Variants in EPB41L5 observed in about 807,000 individuals in gnomAD.
The protein encoded by EPB41L5 is band 4.1-like protein 5.
EPB41L5 carries 55 observed loss-of-function variants against 106.6 expected under a neutral mutation model. The ratio of observed to expected loss-of-function variants is 0.52; its 90% CI spans 0.42 to 0.65. EPB41L5 has a LOEUF of 0.65. EPB41L5 is among the 30% of genes least tolerant of loss of function. The pLI is 0.00. For missense variants in EPB41L5, 871 were observed against 882.1 expected (o/e 0.99, Z 0.16); for synonymous variants, 297 against 306.7 (o/e 0.97, Z 0.33).
intron 14 of EPB41L5, among the ~76,000 whole-genome samples, chr2:120,097,226 A>T (rs1683816418): frequency 6.6e-6 from 1 of 152,172 alleles, no homozygotes; most frequent in South Asian, 2.1e-4. Context: ...TAGAAATGAG[A>T]TGTAGTGGGG....
chr2:120,051,784 A>G (rs998934915), intron 3 of EPB41L5, among the ~76,000 whole-genome samples: 3 of 152,080 alleles, frequency 2.0e-5, no homozygotes, highest in Non-Finnish European at 4.4e-5. Context: ...TGGGTGATGT[A>G]GACTGGAGCT....
rs1684087727 is a variant in EPB41L5 at position 120,100,690 on chromosome 2, TG to T, written c.1222-8del. 6.2e-7 allele frequency: 1 copy of T among 1,605,398 alleles called. No individual in the cohort carries two copies. The highest frequency in any genetic ancestry group is 1.3e-5 in the African/African-American group (1 of 74,690). The stretch of plus-strand genomic sequence containing the variant: ...CAAAATAGATAATTTTTATAATTTT[TG>T]TCCAAAGGCTTGGGGGATGAGATCT... On this transcript the variant is annotated splice_region_variant and splice_polypyrimidine_tract_variant and intron_variant, in intron 15 of 24. Coordinates refer to ENST00000263713, the MANE Select transcript of EPB41L5 (RefSeq NM_020909.4).
intron 1 of EPB41L5, among the ~76,000 whole-genome samples, chr2:120,014,050 C>G (rs962423788): frequency 1.3e-5 from 2 of 152,192 alleles, no homozygotes; most frequent in African/African-American, 4.8e-5. Context: ...AAACGATATG[C>G]GTAACTGCTG....
At chr2:120,023,990 G>C (rs1176216986) in intron 2 of EPB41L5, among the ~76,000 whole-genome samples, 1 of 152,160 alleles carries the variant, frequency 6.6e-6, no homozygotes. Context: ...TCTATTATTT[G>C]TGTATAGGAA....
In EPB41L5 at chr2:120,075,701, A is replaced by G. The variant is rs756695018; in HGVS notation, c.453A>G (p.Lys151=). The G allele has an allele frequency of 1.2e-6, 2 of 1,613,436 alleles. No individual in the cohort carries two copies. The highest frequency in any genetic ancestry group is 1.7e-5 in the Admixed American group (1 of 60,002). ...TAACAAACTTGTGTTTTGGTCTCAG[A>G]TTAGACTGTCCCTTTGATACAGCAG... The part of the protein sequence containing the change: ...LQLKQDILSG[K]LDCPFDTAVQ... Residue 151 remains lysine (K), a splice_region_variant and synonymous_variant, in exon 7 of 25, where the codon AAA becomes AAG. Transcript: ENST00000263713.
chr2:120,081,169 A>T (rs904248718), intron 10 of EPB41L5, among the ~76,000 whole-genome samples: 2 of 152,168 alleles, frequency 1.3e-5, no homozygotes, highest in Non-Finnish European at 2.9e-5. Flanking sequence ...TGTTTTAGAC[A>T]TGAAGTCTTT....
intron 1 of EPB41L5, among the ~76,000 whole-genome samples, chr2:120,018,074 G>T (rs1474579287): frequency 6.6e-6 from 1 of 151,086 alleles, no homozygotes; most frequent in African/African-American, 2.4e-5. Context: ...CCATTCTCCT[G>T]CCTCAGCCTC....
chr2:120,163,565 T>G (rs1687235576), intron 21 of EPB41L5, among the ~76,000 whole-genome samples: 1 of 150,772 alleles, frequency 6.6e-6, no homozygotes, highest in Non-Finnish European at 1.5e-5. Flanking sequence ...CTTTATCCAG[T>G]ATCTCCTGTG....
intron 2 of EPB41L5, among the ~76,000 whole-genome samples, chr2:120,040,077 A>G (rs185755527): frequency 1.6e-3 from 231 of 147,258 alleles, no homozygotes; most frequent in African/African-American, 5.6e-3. Flanking sequence ...CTTTTTATAT[A>G]TATATATATA....
Position 120,029,032 on chromosome 2 carries a change from C to T in EPB41L5, c.180+9768C>T, listed in dbSNP as rs181971246. Among the ~76,000 whole-genome samples, 10 of 152,162 alleles carry T rather than the reference C, an allele frequency of 6.6e-5. No homozygotes were observed. The East Asian group carries it at 1.2e-3, about 18-fold the overall frequency. ...TTTGTGGAAGTGCCTGAAGGGAAAACGCAGGATTGCTATGAGATTTGGCAA... is the reference window on the plus strand; with the variant it reads ...TTTGTGGAAGTGCCTGAAGGGAAAATGCAGGATTGCTATGAGATTTGGCAA... On this transcript the variant is annotated intron_variant, in intron 2 of 24. Transcript: ENST00000263713.
At chr2:120,038,562 G>A (rs1472567644) in intron 2 of EPB41L5, among the ~76,000 whole-genome samples, 1 of 152,138 alleles carries the variant, frequency 6.6e-6, no homozygotes, top group Non-Finnish European at 1.5e-5. Flanking sequence ...TTCAAGACCA[G>A]CCTGGCCAAC....
intron 2 of EPB41L5, among the ~76,000 whole-genome samples, chr2:120,021,728 G>A (rs1371593600): frequency 6.6e-6 from 1 of 152,156 alleles, no homozygotes; most frequent in Non-Finnish European, 1.5e-5. Flanking sequence ...ATATAAAGTG[G>A]TCATTGGCCT....
At chr2:120,013,804 T>C (rs907960399) in intron 1 of EPB41L5, 4 of 152,224 alleles carry the variant, frequency 2.6e-5, no homozygotes, top group Non-Finnish European at 5.9e-5. Flanking sequence ...ACTCGAATTC[T>C]ACCTAAGAGC....
At chr2:120,065,515 C>CT (rs11373500) in intron 3 of EPB41L5, among the ~76,000 whole-genome samples, 123,247 of 139,924 alleles carry the variant, frequency 0.88, 54,799 homozygotes, top group East Asian at 0.98. Context: ...TTAGATTGTT[C>CT]TTTTTTTTTT....
At chr2:120,087,099 T>C in intron 10 of EPB41L5, 72 bp from the exon 11 acceptor site, 1 of 981,196 alleles carries the variant, frequency 1.0e-6, no homozygotes. Context: ...GTATTTGAAA[T>C]AAAAACAATT....
At chr2:120,093,357 C>A (rs1321422124) in intron 14 of EPB41L5, 81 bp downstream of exon 14, 1 of 1,177,152 alleles carries the variant, frequency 8.5e-7, no homozygotes, top group Non-Finnish European at 1.3e-6. Context: ...ATATTTAAGA[C>A]CTATCAAAAT....
At chr2:120,066,985 T>C (rs1423023107) in intron 3 of EPB41L5, among the ~76,000 whole-genome samples, 1 of 152,204 alleles carries the variant, frequency 6.6e-6, no homozygotes, top group Non-Finnish European at 1.5e-5. Context: ...TTTTTGCTAC[T>C]GGCAGGCCTA....
intron 16 of EPB41L5, chr2:120,106,758 A>T: frequency 1.0e-6 from 1 of 985,434 alleles, no homozygotes; most frequent in Non-Finnish European, 1.2e-6. Flanking sequence ...TCACGCATGA[A>T]CATAAATGAG....
At chr2:120,128,459 C>T (rs1455378374) in intron 17 of EPB41L5, among the ~76,000 whole-genome samples, 2 of 152,158 alleles carry the variant, frequency 1.3e-5, no homozygotes, top group Non-Finnish European at 2.9e-5. Context: ...TGGCTCTTGA[C>T]CATTTGATTT....
Sources: allele counts gnomAD v4.1 joint callset (sites outside exome capture counted in the v4.1 genomes callset), GRCh38; gene constraint gnomAD v4.1.1; transcripts MANE v1.5; gene names NCBI Gene and HGNC (gene_info 2026-07-23, HGNC 2026-07-21).